The following MEIKIN variants were observed in gnomAD, a reference collection of about 807,000 sequenced individuals.
MEIKIN encodes the protein meiotic kinetochore factor.
rs557995872 is a variant in MEIKIN at position 131,843,094 on chromosome 5, C to T, written c.975+8170G>A. Among the ~76,000 whole-genome samples the T allele has an allele frequency of 3.9e-5, 6 of 152,364 alleles. No homozygotes were observed. The South Asian group carries it at 1.2e-3, about 32-fold the overall frequency. ...AATAACTTGAACTGTACCTTGGCCC[C>T]TTTTGGCCATGGATGGAATTGGAGT... On this transcript the variant is annotated intron_variant, in intron 11 of 12. Transcript: ENST00000442687.
At chr5:131,878,920 T>C (rs1434071373) in intron 9 of MEIKIN, 58 bp downstream of exon 9, 1 of 396,950 alleles carries the variant, frequency 2.5e-6, no homozygotes. Flanking sequence ...GTTAAAAGTA[T>C]ATTCTTTATT....
intron 9 of MEIKIN, among the ~76,000 whole-genome samples, chr5:131,865,009 C>A (rs1345884425): frequency 6.6e-6 from 1 of 152,074 alleles, no homozygotes; most frequent in African/African-American, 2.4e-5. Context: ...ATTGTTGAAT[C>A]TTTTGAGTGT....
chr5:131,914,612 A>AAGGG (rs1561753835), intron 7 of MEIKIN, among the ~76,000 whole-genome samples: 330 of 3,286 alleles, frequency 0.1, 4 homozygotes, highest in African/African-American at 0.14. Context: ...GAAGGGAAGG[A>AAGGG]AAGGGAAGGA....
chr5:131,911,514 T>C (rs1437118248), intron 8 of MEIKIN, among the ~76,000 whole-genome samples: 1 of 151,706 alleles, frequency 6.6e-6, no homozygotes, highest in Non-Finnish European at 1.5e-5. Flanking sequence ...AACTGAAATC[T>C]ACAAGGGGAG....
intron 8 of MEIKIN, among the ~76,000 whole-genome samples, chr5:131,908,230 T>C (rs1435942479): frequency 2.0e-5 from 3 of 152,156 alleles, no homozygotes; most frequent in Non-Finnish European, 2.9e-5. Flanking sequence ...CAGATCATTC[T>C]TCCAGACCAA....
intron 8 of MEIKIN, among the ~76,000 whole-genome samples, chr5:131,888,689 T>G (rs927074342): frequency 9.9e-5 from 15 of 152,234 alleles, no homozygotes; most frequent in Non-Finnish European, 1.3e-4. Flanking sequence ...TAGTTTCTTT[T>G]GCTGTGCAGA....
intron 8 of MEIKIN, among the ~76,000 whole-genome samples, chr5:131,880,097 A>G (rs534068906): frequency 1.4e-5 from 2 of 146,412 alleles, no homozygotes; most frequent in Non-Finnish European, 3.0e-5. Flanking sequence ...TATATATACA[A>G]TTTTTTTTGA....
intron 5 of MEIKIN, among the ~76,000 whole-genome samples, chr5:131,923,347 CAT>C (rs1354359584): frequency 3.1e-4 from 47 of 152,154 alleles, no homozygotes; most frequent in Non-Finnish European, 1.9e-4. Flanking sequence ...CCTGGAAACT[CAT>C]AATTTATAGC....
chr5:131,880,980 G>A (rs769392057), intron 8 of MEIKIN, among the ~76,000 whole-genome samples: 2 of 152,284 alleles, frequency 1.3e-5, no homozygotes, highest in African/African-American at 4.8e-5. Flanking sequence ...TGGGTATTCT[G>A]TAACTTTATT....
At position 131,865,977 on chromosome 5, in the gene MEIKIN, T is replaced by C. The variant is rs1288910332; in HGVS notation, c.775-11143A>G. Among the ~76,000 whole-genome samples, 3 of 152,172 alleles carry C rather than the reference T, an allele frequency of 2.0e-5. 1 individual carries two copies. The highest frequency in any genetic ancestry group is 7.2e-5 in the African/African-American group (3 of 41,440). On this transcript the variant is annotated intron_variant, in intron 9 of 12. Transcript: ENST00000442687. Reference sequence around the variant, plus strand: ...TCCCCAAGGCAGCACAACCTGGCATTGGTGTTAGTGGATCCAGGTAGCCAA... The same window carrying C: ...TCCCCAAGGCAGCACAACCTGGCATCGGTGTTAGTGGATCCAGGTAGCCAA...
chr5:131,870,183 G>A (rs951331577), intron 9 of MEIKIN, among the ~76,000 whole-genome samples: 2 of 152,050 alleles, frequency 1.3e-5, no homozygotes, highest in South Asian at 4.1e-4. Flanking sequence ...ACCCCATAAA[G>A]ACATACAGCT....
At chr5:131,834,634 T>C (rs144115208) in intron 11 of MEIKIN, among the ~76,000 whole-genome samples, 3 of 152,330 alleles carry the variant, frequency 2.0e-5, no homozygotes, top group Non-Finnish European at 2.9e-5. Context: ...TCCAGGTTCA[T>C]ACATGTCACC....
intron 5 of MEIKIN, among the ~76,000 whole-genome samples, chr5:131,925,347 A>T (rs1428777225): frequency 1.3e-5 from 2 of 152,190 alleles, no homozygotes. Flanking sequence ...AGATTGCATC[A>T]AATTTGTAGA....
intron 5 of MEIKIN, among the ~76,000 whole-genome samples, chr5:131,932,701 G>A (rs1290607272): frequency 1.3e-5 from 2 of 152,168 alleles, no homozygotes; most frequent in African/African-American, 4.8e-5. Context: ...AAAGGACCTA[G>A]TATTCTCCAG....
chr5:131,849,596 A>C (rs2149614437), intron 11 of MEIKIN, among the ~76,000 whole-genome samples: 1 of 133,846 alleles, frequency 7.5e-6, no homozygotes, highest in African/African-American at 2.7e-5. Flanking sequence ...TATATATATA[A>C]AGAAACCTCT....
chr5:131,824,214 C>T (rs1055886526), intron 11 of MEIKIN, among the ~76,000 whole-genome samples: 1 of 152,086 alleles, frequency 6.6e-6, no homozygotes, highest in African/African-American at 2.4e-5. Context: ...CAACCAAAAA[C>T]TATCAGGAAT....
chr5:131,839,962 A>G (rs1248731608), intron 11 of MEIKIN, among the ~76,000 whole-genome samples: 2 of 152,176 alleles, frequency 1.3e-5, no homozygotes, highest in African/African-American at 2.4e-5. Flanking sequence ...TGTGTACTTC[A>G]GTGTGTTTCA....
intron 8 of MEIKIN, among the ~76,000 whole-genome samples, chr5:131,895,449 T>C (rs575489836): frequency 6.6e-6 from 1 of 152,328 alleles, no homozygotes; most frequent in East Asian, 1.9e-4. Flanking sequence ...ATGGGAATAG[T>C]TTCAGAAGGA....
At chr5:131,927,318 A>C (rs186166750) in intron 5 of MEIKIN, among the ~76,000 whole-genome samples, 1 of 152,276 alleles carries the variant, frequency 6.6e-6, no homozygotes, top group Non-Finnish European at 1.5e-5. Flanking sequence ...TTGTTCCATT[A>C]TGGTCAGAAA....
Sources: gnomAD v4.1 joint callset for allele counts (sites outside exome capture counted in the v4.1 genomes callset) on GRCh38, gnomAD v4.1.1 for gene constraint, MANE v1.5 for transcripts, NCBI Gene and HGNC (gene_info 2026-07-23, HGNC 2026-07-21) for gene names.